RFPL1: variants seen among roughly 807,000 people sequenced by gnomAD.
RFPL1 encodes ret finger protein like 1, also known as ret finger protein-like 1.
In RFPL1, 6 loss-of-function variants were observed where a neutral mutation model predicts 9.6. That is an observed-to-expected ratio of 0.62 (90% CI 0.34 to 1.23). The LOEUF (loss-of-function observed/expected upper bound fraction) is 1.23, where lower values mean the gene tolerates loss of function less well. Ranked by LOEUF, RFPL1 falls within the 50% of genes most tolerant of loss-of-function variation. The pLI is 0.03. For missense variants in RFPL1, 352 were observed against 398.4 expected (o/e 0.88, Z 0.99); for synonymous variants, 145 against 149.4 (o/e 0.97, Z 0.22).
chr22:29,441,337 G>A, intron 1 of RFPL1: 1 of 591,858 alleles, frequency 1.7e-6, no homozygotes, highest in East Asian at 2.8e-5. Context: ...AATTGCTACT[G>A]TGAATAAGAG....
At chr22:29,427,108 C>T in the RFPL1 span, among the ~76,000 whole-genome samples, 1 of 152,216 alleles carries the variant, frequency 6.6e-6, no homozygotes, top group Non-Finnish European at 1.5e-5. Flanking sequence ...CATTTATCTG[C>T]CGCAAGGTGG....
At chr22:29,409,350 G>A in the RFPL1 span, among the ~76,000 whole-genome samples, 1 of 152,004 alleles carries the variant, frequency 6.6e-6, no homozygotes, top group African/African-American at 2.4e-5. Flanking sequence ...TGACTATTTC[G>A]CATTGATGAA....
At position 29,438,663 on chromosome 22, in the gene RFPL1, T is replaced by C; in HGVS notation, c.-129T>C. The C allele has an allele frequency of 2.0e-6, 3 of 1,523,778 alleles. No individual in the cohort carries two copies. The highest frequency in any genetic ancestry group is 2.6e-5 in the South Asian group (2 of 76,370). The allele number at this position is 1,523,778 out of a possible 1,614,324, so 94.4% of individuals were successfully genotyped here. On this transcript the variant is annotated 5_prime_UTR_variant, in exon 1 of 2. The change abolishes an upstream ATG in the 5' untranslated region. Coordinates refer to ENST00000354373, the Ensembl canonical transcript of RFPL1. ...TCCACCTCAGTTCAGAGCACAGTGA[T>C]GATTCGTGACTTTCTTTCCCAATAG...
chr22:29,442,265 G>T, exon 2 of RFPL1: 1 of 560,652 alleles, frequency 1.8e-6, no homozygotes, highest in Non-Finnish European at 2.9e-6. Flanking sequence ...AATCTAATTT[G>T]ATTAGTTTAT....
the RFPL1 span, among the ~76,000 whole-genome samples, chr22:29,419,807 AAAAAAAAAAGAAAAG>A: frequency 6.6e-6 from 1 of 151,736 alleles, no homozygotes; most frequent in Admixed American, 6.6e-5. Context: ...TCTCCAAAAA[AAAAAAAAAAGAAAAG>A]AAAAAAAAAG....
At chr22:29,432,179 C>G in the RFPL1 span, among the ~76,000 whole-genome samples, 1 of 152,200 alleles carries the variant, frequency 6.6e-6, no homozygotes, top group African/African-American at 2.4e-5. Context: ...CTTACCCACT[C>G]CCTCCCTCAA....
At chr22:29,424,586 A>G in the RFPL1 span, among the ~76,000 whole-genome samples, 1 of 150,860 alleles carries the variant, frequency 6.6e-6, no homozygotes, top group Non-Finnish European at 1.5e-5. Flanking sequence ...CCTATGCTCT[A>G]TCGATGAAGG....
At chr22:29,441,439 T>A in intron 1 of RFPL1, 103 bp from the exon 2 acceptor site, 1 of 1,377,944 alleles carries the variant, frequency 7.3e-7, no homozygotes, top group Non-Finnish European at 9.9e-7. Flanking sequence ...AAGAAGAGAA[T>A]TAAAGAAACC....
upstream of RFPL1, chr22:29,434,323 C>CTATG (rs1214843737): frequency 6.6e-6 from 1 of 152,208 alleles, no homozygotes; most frequent in African/African-American, 2.4e-5. Flanking sequence ...AGAATGCTTA[C>CTATG]TATGAACAAG....
chr22:29,416,243 G>T, the RFPL1 span, among the ~76,000 whole-genome samples: 3 of 152,178 alleles, frequency 2.0e-5, no homozygotes, highest in Non-Finnish European at 4.4e-5. Context: ...CATGCATGGG[G>T]CTGACTGTCT....
At chr22:29,438,709 G>C in exon 1 of RFPL1, 1 of 1,553,564 alleles carries the variant, frequency 6.4e-7, no homozygotes, top group Non-Finnish European at 8.7e-7. Context: ...CTCTGAAGAC[G>C]GGGGGTGGGG....
the RFPL1 span, chr22:29,422,995 G>A: frequency 1.3e-6 from 1 of 792,098 alleles, no homozygotes; most frequent in Non-Finnish European, 2.2e-6. Context: ...TCTACCACAA[G>A]CTCTAGGTCA....
At chr22:29,410,463 TCTATATATA>T in the RFPL1 span, among the ~76,000 whole-genome samples, 1 of 97,588 alleles carries the variant, frequency 1.0e-5, no homozygotes, top group African/African-American at 5.8e-5. Context: ...GATATATATA[TCTATATATA>T]GATATATATA....
exon 2 of RFPL1, chr22:29,441,755 T>A: frequency 6.2e-7 from 1 of 1,613,732 alleles, no homozygotes; most frequent in Non-Finnish European, 8.5e-7. Context: ...GACCTGGGAG[T>A]CTGCAGAGAA....
the RFPL1 span, among the ~76,000 whole-genome samples, chr22:29,416,243 G>C: frequency 2.6e-5 from 4 of 152,178 alleles, no homozygotes; most frequent in African/African-American, 9.7e-5. Context: ...CATGCATGGG[G>C]CTGACTGTCT....
the RFPL1 span, among the ~76,000 whole-genome samples, chr22:29,392,253 T>C: frequency 2.0e-5 from 3 of 151,418 alleles, no homozygotes. Flanking sequence ...CTAATTTTTG[T>C]ATTTGTAGTG....
In RFPL1 at chr22:29,441,703, C is replaced by A. The variant is rs142632131; in HGVS notation, c.535C>A (p.Arg179Ser). Reference sequence around the variant, plus strand: ...GGGCTCCCCTCGCTTTACCTGTGGCCGCCACTACTGGGAGGTGGACGTGGG... The same window carrying A: ...GGGCTCCCCTCGCTTTACCTGTGGCAGCCACTACTGGGAGGTGGACGTGGG... Residue 179 changes from arginine (R) to serine (S), a missense_variant, in exon 2 of 2, where the codon CGC becomes AGC. Transcript: ENST00000354373. The A allele has an allele frequency of 9.9e-6, 16 of 1,613,772 alleles. No individual in the cohort carries two copies. In the African/African-American group the frequency reaches 2.1e-4, roughly 22 times the overall value.
chr22:29,435,956 C>G (rs115784401), upstream of RFPL1, among the ~76,000 whole-genome samples: 36 of 152,260 alleles, frequency 2.4e-4, no homozygotes, highest in African/African-American at 8.2e-4. Flanking sequence ...AAGATAAATA[C>G]CACATGTTCT....
the RFPL1 span, among the ~76,000 whole-genome samples, chr22:29,402,395 C>A: frequency 6.6e-6 from 1 of 152,294 alleles, no homozygotes; most frequent in South Asian, 2.1e-4. Flanking sequence ...AAAGAAATAT[C>A]TGAATATCCC....
Sources: gnomAD v4.1 joint callset for allele counts (sites outside exome capture counted in the v4.1 genomes callset) on GRCh38, gnomAD v4.1.1 for gene constraint, MANE v1.5 for transcripts, NCBI Gene and HGNC (gene_info 2026-07-23, HGNC 2026-07-21) for gene names.